Variants in LDB3 observed in about 807,000 individuals in gnomAD.
LDB3 encodes the protein LIM domain binding 3.
In LDB3, 49 loss-of-function variants were observed where a neutral mutation model predicts 69.0. The ratio of observed to expected loss-of-function variants is 0.71; its 90% CI spans 0.56 to 0.90. The LOEUF (loss-of-function observed/expected upper bound fraction) is 0.90. LDB3 is among the 40% of genes least tolerant of loss of function. The pLI is 0.00. For missense variants in LDB3, 928 were observed against 974.1 expected (o/e 0.95, Z 0.63); for synonymous variants, 387 against 396.2 (o/e 0.98, Z 0.28).
At position 86,692,626 on chromosome 10, in the gene LDB3, G is replaced by A. The variant is rs562040970; in HGVS notation, c.896+55G>A. 3.5e-5 allele frequency: 54 copies of A among 1,534,360 alleles called. No homozygotes were observed. The South Asian group carries it at 4.7e-4, about 13-fold the overall frequency. On this transcript the variant is annotated intron_variant, in intron 7 of 13. Transcript: ENST00000361373. ...TTGCCCTCTAGCCCCGTCCCTCCCC[G>A]GGCAGCCCCCAGGTCACATCACTCA...
chr10:86,705,304 G>A (rs1846401349), intron 7 of LDB3, among the ~76,000 whole-genome samples: 1 of 152,118 alleles, frequency 6.6e-6, no homozygotes, highest in Admixed American at 6.5e-5. Context: ...AACATCAGAG[G>A]GCTGCTGTGA....
rs928517689 is a variant in LDB3 at position 86,734,161 on chromosome 10, T to C, written c.*1185T>C. ...ACTGAGTTTGTACAATTGTGTTAAC[T>C]GCTGGAAGGGACAGATGCACTGATA... On this transcript the variant is annotated 3_prime_UTR_variant, in exon 14 of 14. Transcript: ENST00000361373. 6.6e-6 allele frequency: 1 copy of C among 152,236 alleles called. No homozygotes were observed. Among genetic ancestry groups the C allele is most frequent in the African/African-American group, 2.4e-5 (1 of 41,476 alleles). The allele number at this position is 152,236 out of a possible 1,614,324, so 9.4% of individuals were successfully genotyped here. A position where few individuals can be genotyped will look rare whatever the true frequency, so the allele number is the denominator to read the frequency against.
At chr10:86,727,678 C>T (rs1024546580) in intron 13 of LDB3, among the ~76,000 whole-genome samples, 1 of 152,158 alleles carries the variant, frequency 6.6e-6, no homozygotes, top group Non-Finnish European at 1.5e-5. Context: ...AGTCTCTCTC[C>T]GAGCTACTAG....
intron 7 of LDB3, among the ~76,000 whole-genome samples, chr10:86,694,591 T>A (rs1015347774): frequency 1.3e-5 from 2 of 152,146 alleles, no homozygotes; most frequent in Admixed American, 6.5e-5. Flanking sequence ...GGGGCTCCTC[T>A]CCCTTCTTCT....
intron 5 of LDB3, among the ~76,000 whole-genome samples, chr10:86,682,176 A>C (rs1845190236): frequency 6.6e-6 from 1 of 152,198 alleles, no homozygotes; most frequent in African/African-American, 2.4e-5. Context: ...TGCAGCCTTC[A>C]AGAGCTATGC....
chr10:86,667,548 G>A (rs977928673), upstream of LDB3, among the ~76,000 whole-genome samples: 6 of 152,168 alleles, frequency 3.9e-5, no homozygotes, highest in African/African-American at 7.2e-5. Flanking sequence ...CCCCCTCCCT[G>A]CCCCTCCTGG....
chr10:86,708,627 C>A (rs967106397), intron 8 of LDB3, among the ~76,000 whole-genome samples: 7 of 152,156 alleles, frequency 4.6e-5, no homozygotes, highest in African/African-American at 1.7e-4. Context: ...GGTCTTAGCA[C>A]AGGAATCTAT....
chr10:86,668,495 G>T, upstream of LDB3: 1 of 665,418 alleles, frequency 1.5e-6, no homozygotes, highest in Non-Finnish European at 2.8e-6. Flanking sequence ...AGTGTCGATG[G>T]CATTCGCTCC....
intron 2 of LDB3, among the ~76,000 whole-genome samples, chr10:86,678,922 G>A (rs1265549846): frequency 6.6e-6 from 1 of 152,192 alleles, no homozygotes; most frequent in African/African-American, 2.4e-5. Context: ...TTATAGGCAT[G>A]AGCCACCATG....
intron 13 of LDB3, among the ~76,000 whole-genome samples, chr10:86,730,590 C>T (rs2132512340): frequency 6.6e-6 from 1 of 152,328 alleles, no homozygotes; most frequent in Non-Finnish European, 1.5e-5. Flanking sequence ...GTCTTACAGA[C>T]ATGGACAGAG....
chr10:86,728,815 C>T (rs893350326), intron 13 of LDB3, among the ~76,000 whole-genome samples: 4 of 152,018 alleles, frequency 2.6e-5, no homozygotes, highest in Non-Finnish European at 5.9e-5. Context: ...CTCCTGACCT[C>T]ATGAGCCACC....
intron 6 of LDB3, 78 bp downstream of exon 6, chr10:86,692,143 G>A: frequency 2.6e-6 from 4 of 1,527,046 alleles, no homozygotes; most frequent in Non-Finnish European, 3.6e-6. Context: ...CAGCACTGCA[G>A]AAGCCAGGGA....
chr10:86,706,841 C>T (rs1419346414), intron 8 of LDB3, 122 bp downstream of exon 8: 1 of 1,042,936 alleles, frequency 9.6e-7, no homozygotes, highest in Admixed American at 2.3e-5. Context: ...TAGAGGAAGC[C>T]AAGGCCAGCG....
chr10:86,692,085 G>C lies in LDB3; in HGVS notation c.859+20G>C. 6.2e-7 allele frequency: 1 copy of C among 1,613,656 alleles called. No individual in the cohort carries two copies. The highest frequency in any genetic ancestry group is 1.1e-5 in the South Asian group (1 of 91,068). On this transcript the variant is annotated intron_variant, in intron 6 of 13. Coordinates refer to ENST00000361373, the MANE Select transcript of LDB3 (RefSeq NM_007078.3). ...AATTCAGTGAGTGCAGGCTCTCAGGGTGGCTGCAGAGGAGGGAGATGCTGA... is the reference window on the plus strand; with the variant it reads ...AATTCAGTGAGTGCAGGCTCTCAGGCTGGCTGCAGAGGAGGGAGATGCTGA...
chr10:86,710,657 C>T (rs1047404695), intron 9 of LDB3, among the ~76,000 whole-genome samples: 5 of 152,222 alleles, frequency 3.3e-5, no homozygotes, highest in Non-Finnish European at 7.3e-5. Flanking sequence ...AGCCTAGACT[C>T]GGGAGCAGGT....
chr10:86,728,592 T>TTTTTTGTTTTTTTTTG (rs1589687505), intron 13 of LDB3, among the ~76,000 whole-genome samples: 1 of 149,704 alleles, frequency 6.7e-6, no homozygotes, highest in Non-Finnish European at 1.5e-5. Flanking sequence ...TTTTGTTTTT[T>TTTTTTGTTTTTTTTTG]TTTTTTTTTG....
Position 86,718,834 on chromosome 10 carries a change from C to G in LDB3, c.1965C>G (p.Pro655=), listed in dbSNP as rs181475408. The part of the protein sequence containing the change: ...NSLFHMEDGE[P]YCEKDYINLF... ...TCTTCCACATGGAAGACGGGGAGCC[C>G]TACTGCGAGAAAGGTAGGAACACTT... Residue 655 remains proline, a synonymous_variant, in exon 12 of 14, where the codon CCC becomes CCG. Coordinates refer to ENST00000361373, the MANE Select transcript of LDB3 (RefSeq NM_007078.3). The G allele has an allele frequency of 5.6e-6, 9 of 1,614,090 alleles. No homozygotes were observed. In the East Asian group the frequency reaches 2.0e-4, roughly 36 times the overall value.
intron 2 of LDB3, among the ~76,000 whole-genome samples, chr10:86,678,540 A>G (rs998830155): frequency 4.6e-5 from 7 of 151,374 alleles, no homozygotes; most frequent in African/African-American, 1.2e-4. Flanking sequence ...GGGTTTCACC[A>G]TATTGGCCAG....
chr10:86,724,590 G>A (rs1322125200), intron 12 of LDB3, among the ~76,000 whole-genome samples: 2 of 151,076 alleles, frequency 1.3e-5, no homozygotes, highest in African/African-American at 2.4e-5. Context: ...GTGACAGAGT[G>A]AGACTCCGTC....
Sources: allele counts gnomAD v4.1 joint callset (sites outside exome capture counted in the v4.1 genomes callset), GRCh38; gene constraint gnomAD v4.1.1; transcripts MANE v1.5; gene names NCBI Gene and HGNC (gene_info 2026-07-23, HGNC 2026-07-21).